Variants in CPXM2 observed in about 807,000 individuals in gnomAD.
CPXM2 encodes inactive carboxypeptidase-like protein X2.
Under a neutral mutation model 86.1 loss-of-function variants are expected in CPXM2, and 66 were observed. The ratio of observed to expected loss-of-function variants is 0.77; its 90% CI spans 0.63 to 0.94. The LOEUF (loss-of-function observed/expected upper bound fraction) is 0.94. Ranked by LOEUF, CPXM2 falls within the 40% of genes least tolerant of loss-of-function variation. The pLI is 0.00. For synonymous variants in CPXM2, 388 were observed against 400.2 expected (o/e 0.97, Z 0.36); for missense variants, 948 against 1,026.3 (o/e 0.92, Z 1.04).
rs1403512136 is a variant in CPXM2, at chr10:123,865,903, C to T, written c.404-3180G>A. ...CCTGACTCCATTCATTCACAGTGGC[C>T]CTGGTCACTTTGTGGCCCTTTGGGA... is the stretch of plus-strand genomic sequence containing the variant. On this transcript the variant is annotated intron_variant, in intron 2 of 13. Transcript: ENST00000241305. This position sits in a 1 kb window ranked among gnomAD's most constrained non-coding sequence, Gnocchi z 4.7. Among the ~76,000 whole-genome samples, 1 of 152,074 alleles carries T rather than the reference C, an allele frequency of 6.6e-6. No homozygotes were observed. Among genetic ancestry groups the T allele is most frequent in the Non-Finnish European group, 1.5e-5 (1 of 68,022 alleles).
chr10:123,788,622 C>A (rs968342116), intron 6 of CPXM2, among the ~76,000 whole-genome samples: 1 of 152,196 alleles, frequency 6.6e-6, no homozygotes, highest in Admixed American at 6.5e-5. Context: ...AAAGACAAGA[C>A]GCCTCTTCCC....
Position 123,874,509 on chromosome 10 carries a change from T to G in CPXM2, c.403+5702A>C, listed in dbSNP as rs28702395. On this transcript the variant is annotated intron_variant, in intron 2 of 13. Transcript: ENST00000241305. ...TTTACTGCTTTCATAGCCAAATGTTTAATAAGCCAGGAAAGAAGTCTACTT... is the reference window on the plus strand; with the variant it reads ...TTTACTGCTTTCATAGCCAAATGTTGAATAAGCCAGGAAAGAAGTCTACTT... Among the ~76,000 whole-genome samples the G allele has an allele frequency of 3.3e-4, 50 of 152,382 alleles. No individual in the cohort carries two copies. In the East Asian group the frequency reaches 8.3e-3, roughly 25 times the overall value.
At chr10:123,816,988 C>T (rs1847826014) in intron 4 of CPXM2, among the ~76,000 whole-genome samples, 1 of 142,700 alleles carries the variant, frequency 7.0e-6, no homozygotes. Flanking sequence ...GGAACTTCTA[C>T]CTCAGAAAAA....
chr10:123,749,939 G>T (rs1178118256), intron 13 of CPXM2, among the ~76,000 whole-genome samples: 1 of 151,580 alleles, frequency 6.6e-6, no homozygotes, highest in Admixed American at 6.6e-5. Context: ...CCAAGTAGCT[G>T]GGATTACAGG....
chr10:123,786,874 C>T (rs1847069256), intron 6 of CPXM2, among the ~76,000 whole-genome samples: 1 of 152,218 alleles, frequency 6.6e-6, no homozygotes, highest in African/African-American at 2.4e-5. Flanking sequence ...TGTAGATTCA[C>T]TGGGCACTAA....
At chr10:123,828,216 C>T (rs148129844) in intron 4 of CPXM2, among the ~76,000 whole-genome samples, 1 of 152,064 alleles carries the variant, frequency 6.6e-6, no homozygotes, top group East Asian at 1.9e-4. Flanking sequence ...GAAATAAAAC[C>T]ATACAAATAT....
At chr10:123,834,185 G>A (rs1848228421) in intron 4 of CPXM2, among the ~76,000 whole-genome samples, 1 of 152,206 alleles carries the variant, frequency 6.6e-6, no homozygotes, top group South Asian at 2.1e-4. Context: ...AAGGAGCGGA[G>A]CTGCATCCCC....
At chr10:123,788,395 C>G (rs1847121474) in intron 6 of CPXM2, among the ~76,000 whole-genome samples, 1 of 152,100 alleles carries the variant, frequency 6.6e-6, no homozygotes, top group African/African-American at 2.4e-5. Flanking sequence ...CAAAACAGGT[C>G]TGGAGAGTTA....
At chr10:123,853,100 T>G (rs1339706246) in intron 3 of CPXM2, among the ~76,000 whole-genome samples, 2 of 152,152 alleles carry the variant, frequency 1.3e-5, no homozygotes, top group African/African-American at 2.4e-5. Flanking sequence ...GAGTGAGTTC[T>G]CATGAGATCT....
rs1383366598 is a variant in CPXM2 at position 123,745,657 on chromosome 10, A to T, written c.*1107T>A. The T allele has an allele frequency of 1.4e-5, 2 of 147,864 alleles. No homozygotes were observed. The highest frequency in any genetic ancestry group is 3.0e-5 in the Non-Finnish European group (2 of 66,708). 9.2% of individuals were successfully genotyped at this position (147,864 alleles called of 1,614,324 possible). On this transcript the variant is annotated 3_prime_UTR_variant, in exon 14 of 14. Coordinates refer to ENST00000241305, the MANE Select transcript of CPXM2 (RefSeq NM_198148.3). ...CCAGAAGGGTCTTACCATTTGCTTT[A>T]TTTTTTTTTTTCATTTTTCCCAGGT...
At position 123,811,941 on chromosome 10, in the gene CPXM2, G is replaced by C. The variant is rs148070973; in HGVS notation, c.654-12742C>G. 6.7e-3 allele frequency among the ~76,000 whole-genome samples: 1,018 copies of C among 152,280 alleles called. 12 individuals are homozygous for C. The highest frequency in any genetic ancestry group is 0.023 in the African/African-American group (943 of 41,570). ...AAAAGTAAGAATAGCAATGCCAAATGTTGGTAAAAATGTTTCACAATAAAA... is the reference window on the plus strand; with the variant it reads ...AAAAGTAAGAATAGCAATGCCAAATCTTGGTAAAAATGTTTCACAATAAAA... On this transcript the variant is annotated intron_variant, in intron 4 of 13. Transcript: ENST00000241305.
chr10:123,778,486 T>C (rs1846855400), intron 7 of CPXM2, among the ~76,000 whole-genome samples: 1 of 152,196 alleles, frequency 6.6e-6, no homozygotes, highest in South Asian at 2.1e-4. Context: ...CCAAGGGGGC[T>C]GCACTGATTA....
chr10:123,853,367 C>T (rs1038242818), intron 3 of CPXM2, among the ~76,000 whole-genome samples: 1 of 152,192 alleles, frequency 6.6e-6, no homozygotes, highest in Admixed American at 6.5e-5. Flanking sequence ...TGATTTGCCT[C>T]CCGCACTAGA....
chr10:123,847,231 G>A (rs1848512460), intron 3 of CPXM2, among the ~76,000 whole-genome samples: 2 of 152,196 alleles, frequency 1.3e-5, no homozygotes, highest in South Asian at 4.1e-4. Flanking sequence ...TTATTTAGAA[G>A]TGAAGATTTC....
At chr10:123,894,609 T>C (rs560504998), upstream of CPXM2, among the ~76,000 whole-genome samples, 2 of 152,282 alleles carry the variant, frequency 1.3e-5, no homozygotes, top group African/African-American at 2.4e-5. Context: ...AAAGCTGACC[T>C]CATTCTCTTG....
chr10:123,779,358 C>T (rs370963140), intron 7 of CPXM2, among the ~76,000 whole-genome samples: 1 of 152,272 alleles, frequency 6.6e-6, no homozygotes, highest in South Asian at 2.1e-4. Context: ...CTTCTGCACT[C>T]GGTATGCAAA....
rs117794499 is a variant in CPXM2, at chr10:123,771,113, C to T, written c.979-74G>A. ...TAAAAGGACAGAGCTCCCAAGAAAACGGACACCTCTTGCTTTCCTCCACAG... is the reference window on the plus strand; with the variant it reads ...TAAAAGGACAGAGCTCCCAAGAAAATGGACACCTCTTGCTTTCCTCCACAG... On this transcript the variant is annotated intron_variant, in intron 7 of 13. Transcript: ENST00000241305. 1,014 of 1,437,698 alleles carry T rather than the reference C, an allele frequency of 7.1e-4. 10 individuals are homozygous for T. In the East Asian group the frequency reaches 0.02, roughly 28 times the overall value. The allele number at this position is 1,437,698 out of a possible 1,614,324, so 89.1% of individuals were successfully genotyped here.
intron 2 of CPXM2, among the ~76,000 whole-genome samples, chr10:123,873,681 T>G (rs112690826): frequency 2.6e-5 from 4 of 152,204 alleles, no homozygotes; most frequent in African/African-American, 9.6e-5. Context: ...AAAAATGAAT[T>G]AATAATAAAG....
In CPXM2 at chr10:123,904,147, T is replaced by G. The variant is rs188251639; in HGVS notation, n.175-23838A>C. ...ACATAAATAAAATATCTTTTATCTT[T>G]TCTATATCAGCTTAAATGTTACTTC... On this transcript the variant is annotated intron_variant and non_coding_transcript_variant, in intron 2 of 19. Coordinates refer to the CPXM2 transcript ENST00000368854. Among the ~76,000 whole-genome samples the G allele has an allele frequency of 3.3e-5, 5 of 152,370 alleles. No individual in the cohort carries two copies. The East Asian group carries it at 9.6e-4, about 29-fold the overall frequency.
Sources: gnomAD v4.1 joint callset for allele counts (sites outside exome capture counted in the v4.1 genomes callset) on GRCh38, gnomAD v4.1.1 for gene constraint, Gnocchi (gnomAD v3.1) non-coding constraint, MANE v1.5 for transcripts, NCBI Gene and HGNC (gene_info 2026-07-23, HGNC 2026-07-21) for gene names.